Variants in RNF212 observed in about 807,000 individuals in gnomAD.
The protein encoded by RNF212 is probable E3 SUMO-protein ligase RNF212.
A neutral mutation model predicts 34.7 loss-of-function variants in RNF212; 33 were observed. The ratio of observed to expected loss-of-function variants is 0.95; its 90% CI spans 0.72 to 1.27. The LOEUF (loss-of-function observed/expected upper bound fraction) is 1.27, where lower values mean the gene tolerates loss of function less well. Among genes scored for constraint, RNF212 ranks in the 50% most tolerant of loss-of-function variants. RNF212 has a pLI of 0.00. For synonymous variants in RNF212, 140 were observed against 136.1 expected, an observed-to-expected ratio of 1.03 and a Z score of -0.20; for missense variants, 377 against 362.2, an observed-to-expected ratio of 1.04 and a Z score of -0.33.
chr4:1,062,556 G>C (rs961215146), intron 3 of RNF212, among the ~76,000 whole-genome samples: 3 of 152,198 alleles, frequency 2.0e-5, no homozygotes, highest in African/African-American at 7.2e-5. Context: ...CATGGTGAAA[G>C]GCTGAAAGTT....
At chr4:1,112,007 G>A (rs1725747147) in intron 1 of RNF212, among the ~76,000 whole-genome samples, 1 of 152,212 alleles carries the variant, frequency 6.6e-6, no homozygotes, top group African/African-American at 2.4e-5. Context: ...ACAGGAATTG[G>A]AGACCATCCT....
chr4:1,113,628 T>G (rs1351978051), upstream of RNF212: 1 of 505,238 alleles, frequency 2.0e-6, no homozygotes, highest in Non-Finnish European at 3.4e-6. Flanking sequence ...CCCGCCAACC[T>G]CGCGGGTTCT....
At chr4:1,103,526 C>T (rs1205328728) in intron 2 of RNF212, among the ~76,000 whole-genome samples, 1 of 152,192 alleles carries the variant, frequency 6.6e-6, no homozygotes, top group Non-Finnish European at 1.5e-5. Flanking sequence ...AATTTACTTA[C>T]ATATACAAGC....
intron 2 of RNF212, among the ~76,000 whole-genome samples, chr4:1,099,376 T>C (rs1723565612): frequency 6.6e-6 from 1 of 152,054 alleles, no homozygotes; most frequent in Non-Finnish European, 1.5e-5. Context: ...AGCACAGAGA[T>C]TCGGGAGGCA....
At chr4:1,062,803 C>T (rs1288873329) in intron 3 of RNF212, among the ~76,000 whole-genome samples, 1 of 152,084 alleles carries the variant, frequency 6.6e-6, no homozygotes, top group African/African-American at 2.4e-5. Flanking sequence ...TTGCCATATA[C>T]AGAAAACCCT....
intron 5 of RNF212, chr4:1,081,877 C>G (rs1489966900): frequency 1.2e-5 from 6 of 481,336 alleles, no homozygotes; most frequent in Non-Finnish European, 2.3e-5. Flanking sequence ...GCAACTGTCA[C>G]TCAGCACATG....
At chr4:1,109,256 C>A (rs540401425) in intron 1 of RNF212, among the ~76,000 whole-genome samples, 8 of 152,182 alleles carry the variant, frequency 5.3e-5, no homozygotes, top group Non-Finnish European at 1.0e-4. Context: ...GATCAGCCCA[C>A]ATCGGTCTCT....
chr4:1,083,967 A>G (rs1314492926), intron 5 of RNF212, among the ~76,000 whole-genome samples: 1 of 118,240 alleles, frequency 8.5e-6, no homozygotes, highest in African/African-American at 3.1e-5. Flanking sequence ...TTTTTTTGAG[A>G]GACGGAGTTT....
At chr4:1,109,859 C>T (rs558283210) in intron 1 of RNF212, among the ~76,000 whole-genome samples, 36 of 152,340 alleles carry the variant, frequency 2.4e-4, no homozygotes, top group Non-Finnish European at 4.0e-4. Context: ...GTCCGCAGCT[C>T]CCAGCACACA....
At chr4:1,076,596 G>A (rs144516527) in intron 8 of RNF212, among the ~76,000 whole-genome samples, 1 of 152,352 alleles carries the variant, frequency 6.6e-6, no homozygotes, top group African/African-American at 2.4e-5. Flanking sequence ...TGCTCAGGCT[G>A]AGGGTTACCA....
At chr4:1,086,144 C>G (rs1391469915) in intron 4 of RNF212, among the ~76,000 whole-genome samples, 190 bp from the exon 5 acceptor site, 1 of 152,220 alleles carries the variant, frequency 6.6e-6, no homozygotes, top group African/African-American at 2.4e-5. Flanking sequence ...GGGGGCCATG[C>G]AGAGCGAAGT....
chr4:1,074,077 A>C (rs2077881102), intron 8 of RNF212, among the ~76,000 whole-genome samples: 1 of 152,198 alleles, frequency 6.6e-6, no homozygotes, highest in South Asian at 2.1e-4. Context: ...TGCTGCTCAG[A>C]GCTGTGTGTG....
At position 1,085,911 on chromosome 4, in the gene RNF212, A is replaced by T; in HGVS notation, c.347T>A (p.Ile116Lys). The change falls in exon 5 of 10, where the codon ATA becomes AAA. Residue 116 changes from isoleucine (I) to lysine (K), a missense_variant. Transcript: ENST00000433731. Reference protein sequence around the residue: ...EESLRKSVLQIEQLQSMRSSQ... With the variant: ...EESLRKSVLQKEQLQSMRSSQ... ...GGCGCCTTACCTTTGTAGTTGTTCTATCTGCAGCACTGACTTCCTAAGGGA... is the reference window on the plus strand; with the variant it reads ...GGCGCCTTACCTTTGTAGTTGTTCTTTCTGCAGCACTGACTTCCTAAGGGA... The T allele has an allele frequency of 6.2e-7, 1 of 1,612,370 alleles. No individual in the cohort carries two copies. Among genetic ancestry groups the T allele is most frequent in the Non-Finnish European group, 8.5e-7 (1 of 1,178,972 alleles).
intron 2 of RNF212, among the ~76,000 whole-genome samples, chr4:1,097,436 C>A (rs1217846174): frequency 6.6e-6 from 1 of 151,860 alleles, no homozygotes; most frequent in Non-Finnish European, 1.5e-5. Flanking sequence ...AACCCCGTCT[C>A]TACTAAAAAT....
chr4:1,106,096 G>A (rs1724775591), intron 2 of RNF212, among the ~76,000 whole-genome samples: 1 of 152,206 alleles, frequency 6.6e-6, no homozygotes, highest in Non-Finnish European at 1.5e-5. Context: ...AGAGTGAGAG[G>A]AGGAGGAAGC....
At chr4:1,065,709 C>T (rs1718047271) in intron 3 of RNF212, among the ~76,000 whole-genome samples, 1 of 152,122 alleles carries the variant, frequency 6.6e-6, no homozygotes, top group African/African-American at 2.4e-5. Context: ...CTCTCAGCTT[C>T]CCAAGTAGCT....
chr4:1,102,238 T>C (rs1449068131), intron 2 of RNF212, among the ~76,000 whole-genome samples: 1 of 152,226 alleles, frequency 6.6e-6, no homozygotes, highest in Non-Finnish European at 1.5e-5. Context: ...TCAACAGAGC[T>C]AAAAATTAGT....
At chr4:1,109,463 C>T (rs748874662) in intron 1 of RNF212, among the ~76,000 whole-genome samples, 2 of 152,190 alleles carry the variant, frequency 1.3e-5, no homozygotes, top group African/African-American at 2.4e-5. Context: ...ACATCAGGTC[C>T]AAACCTGAAC....
At chr4:1,061,521 G>A (rs189915724) in intron 3 of RNF212, among the ~76,000 whole-genome samples, 7 of 152,306 alleles carry the variant, frequency 4.6e-5, no homozygotes, top group African/African-American at 1.2e-4. Flanking sequence ...GGGATCCAGC[G>A]CGGCCACAGA....
Sources: allele counts gnomAD v4.1 joint callset (sites outside exome capture counted in the v4.1 genomes callset), GRCh38; gene constraint gnomAD v4.1.1; transcripts MANE v1.5; gene names NCBI Gene and HGNC (gene_info 2026-07-23, HGNC 2026-07-21).